The following TECRL variants were observed in gnomAD, a reference collection of about 807,000 sequenced individuals.
TECRL encodes the protein trans-2,3-enoyl-CoA reductase-like.
TECRL carries 63 observed loss-of-function variants against 52.8 expected under a neutral mutation model. The observed-to-expected ratio is 1.19, with a 90% CI of 0.97 to 1.47. The LOEUF (loss-of-function observed/expected upper bound fraction) is 1.47, where lower values mean the gene tolerates loss of function less well. Ranked by LOEUF, TECRL falls within the 40% of genes most tolerant of loss-of-function variation. The probability of loss-of-function intolerance (pLI) is 0.00; values close to 1 mark genes in which losing one functional copy is unlikely to be tolerated. For synonymous variants in TECRL, 164 were observed against 141.9 expected, an observed-to-expected ratio of 1.16 and a Z score of -1.10; for missense variants, 482 against 429.6, an observed-to-expected ratio of 1.12 and a Z score of -1.08.
chr4:64,386,771 G>A (rs1324621215), intron 1 of TECRL, among the ~76,000 whole-genome samples: 3 of 152,030 alleles, frequency 2.0e-5, no homozygotes, highest in African/African-American at 7.2e-5. Context: ...TTTTATAATA[G>A]GCTTCATTTT....
At chr4:64,328,013 T>A (rs1338046597) in intron 3 of TECRL, among the ~76,000 whole-genome samples, 1 of 151,998 alleles carries the variant, frequency 6.6e-6, no homozygotes, top group African/African-American at 2.4e-5. Context: ...GTAGGAGCCA[T>A]TTTTAAGTGC....
chr4:64,368,353 T>C (rs566188624), intron 2 of TECRL, among the ~76,000 whole-genome samples: 1 of 152,286 alleles, frequency 6.6e-6, no homozygotes, highest in South Asian at 2.1e-4. Flanking sequence ...TGGAGTGCAA[T>C]GGCATGATCT....
chr4:64,281,587 T>G (rs780031720), intron 9 of TECRL, 28 bp from the exon 10 acceptor site: 1 of 1,284,980 alleles, frequency 7.8e-7, no homozygotes, highest in South Asian at 1.2e-5. Flanking sequence ...AAAATGTCAA[T>G]GATGCTACAC....
At chr4:64,300,550 A>C (rs1230631489) in intron 7 of TECRL, among the ~76,000 whole-genome samples, 2 of 150,910 alleles carry the variant, frequency 1.3e-5, no homozygotes, top group African/African-American at 4.8e-5. Flanking sequence ...AGTAATGTAG[A>C]AAACACCATT....
chr4:64,339,619 A>G (rs1240525511), intron 2 of TECRL, among the ~76,000 whole-genome samples: 3 of 151,988 alleles, frequency 2.0e-5, no homozygotes, highest in South Asian at 2.1e-4. Flanking sequence ...TTACTTATCA[A>G]TGTTGATGAT....
At chr4:64,337,530 A>G (rs1719194773) in intron 2 of TECRL, among the ~76,000 whole-genome samples, 2 of 152,202 alleles carry the variant, frequency 1.3e-5, no homozygotes, top group Non-Finnish European at 2.9e-5. Flanking sequence ...AGAAAACCCC[A>G]TCATCTCAGC....
At chr4:64,336,571 G>A (rs557117050) in intron 2 of TECRL, among the ~76,000 whole-genome samples, 1 of 152,192 alleles carries the variant, frequency 6.6e-6, no homozygotes, top group Non-Finnish European at 1.5e-5. Context: ...GTTTGCTCTT[G>A]CTTCTCTAGC....
intron 2 of TECRL, among the ~76,000 whole-genome samples, chr4:64,346,292 C>T (rs1222461460): frequency 6.6e-6 from 1 of 152,182 alleles, no homozygotes; most frequent in African/African-American, 2.4e-5. Flanking sequence ...TTTCTCACAG[C>T]CCCACTAGGC....
At chr4:64,355,276 A>C (rs1053595603) in intron 2 of TECRL, among the ~76,000 whole-genome samples, 6 of 152,154 alleles carry the variant, frequency 3.9e-5, no homozygotes, top group African/African-American at 1.4e-4. Context: ...AATTAAAACG[A>C]AATTAGATGA....
chr4:64,338,386 T>G (rs1273873465), intron 2 of TECRL, among the ~76,000 whole-genome samples: 1 of 152,064 alleles, frequency 6.6e-6, no homozygotes. Flanking sequence ...AGACTTCATC[T>G]CTAAAACACC....
chr4:64,409,459 A>G, upstream of TECRL: 1 of 1,481,454 alleles, frequency 6.8e-7, no homozygotes, highest in Non-Finnish European at 8.9e-7. Flanking sequence ...GTCAAATGGT[A>G]TGCCATTCCA....
At chr4:64,328,629 G>A in intron 2 of TECRL, 73 bp from the exon 3 acceptor site, 2 of 1,290,246 alleles carry the variant, frequency 1.6e-6, no homozygotes, top group Middle Eastern at 3.9e-4. Flanking sequence ...CTGTTTCCAT[G>A]GGAAGACCAT....
chr4:64,295,096 C>T (rs1036037121), intron 8 of TECRL, among the ~76,000 whole-genome samples: 1 of 151,574 alleles, frequency 6.6e-6, no homozygotes, highest in Non-Finnish European at 1.5e-5. Flanking sequence ...CTCCTTCATA[C>T]ACATTTCTAT....
chr4:64,380,327 G>A (rs1722696803), intron 1 of TECRL, among the ~76,000 whole-genome samples: 1 of 151,960 alleles, frequency 6.6e-6, no homozygotes, highest in Non-Finnish European at 1.5e-5. Flanking sequence ...CCTCGTCAGA[G>A]GAATAGTGTG....
At position 64,286,917 on chromosome 4, in the gene TECRL, T is replaced by C. The variant is rs919831093; in HGVS notation, c.832+2793A>G. On this transcript the variant is annotated intron_variant, in intron 9 of 11. Coordinates refer to ENST00000381210, the MANE Select transcript of TECRL (RefSeq NM_001010874.5). ...AGATAAGACTAAAATTTGTGATATT[T>C]CTAACTTTGGCAATGCTAGCATTTT... is the stretch of plus-strand genomic sequence containing the variant. Among the ~76,000 whole-genome samples, 2 of 152,184 alleles carry C rather than the reference T, an allele frequency of 1.3e-5. 1 individual carries two copies. Among genetic ancestry groups the C allele is most frequent in the Non-Finnish European group, 2.9e-5 (2 of 68,006 alleles).
rs73228573 is a variant in TECRL at position 64,315,043 on chromosome 4, C to T, written c.436-280G>A. 0.015 allele frequency among the ~76,000 whole-genome samples: 2,221 copies of T among 152,016 alleles called. 68 individuals carry two copies. The highest frequency in any genetic ancestry group is 0.05 in the African/African-American group (2,084 of 41,486). On this transcript the variant is annotated intron_variant, in intron 4 of 11. Transcript: ENST00000381210. ...GGAGATTTTATTTTAATAAACTAAC[C>T]ATTATTAATATATTTTTCTGTGTAT...
chr4:64,364,506 T>C (rs772513804), intron 2 of TECRL, among the ~76,000 whole-genome samples: 1 of 151,914 alleles, frequency 6.6e-6, no homozygotes, highest in Admixed American at 6.6e-5. Context: ...GATTGATAGA[T>C]GGCTAGCTAG....
intron 1 of TECRL, among the ~76,000 whole-genome samples, chr4:64,403,839 T>C (rs930176840): frequency 6.8e-6 from 1 of 146,584 alleles, no homozygotes; most frequent in Non-Finnish European, 1.5e-5. Flanking sequence ...GAAGAGTAGA[T>C]GGAGCAAAAG....
At position 64,277,890 on chromosome 4, in the gene TECRL, T is replaced by C. The variant is rs1246243197; in HGVS notation, c.*2182A>G. 2 of 151,666 alleles carry C rather than the reference T, an allele frequency of 1.3e-5. No homozygotes were observed. Among genetic ancestry groups the C allele is most frequent in the Non-Finnish European group, 3.0e-5 (2 of 67,718 alleles). 9.4% of individuals were successfully genotyped at this position (151,666 alleles called of 1,614,324 possible). A position where few individuals can be genotyped will look rare whatever the true frequency, so the allele number is the denominator to read the frequency against. On this transcript the variant is annotated 3_prime_UTR_variant, in exon 12 of 12. Transcript: ENST00000381210. ...TATATATGCATGCTCACATAGAAAC[T>C]CATACACACACACACATGCACATAG...
Sources: gnomAD v4.1 joint callset for allele counts (sites outside exome capture counted in the v4.1 genomes callset) on GRCh38, gnomAD v4.1.1 for gene constraint, MANE v1.5 for transcripts, NCBI Gene and HGNC (gene_info 2026-07-23, HGNC 2026-07-21) for gene names.